PUF60: variants seen among roughly 807,000 people sequenced by gnomAD.
PUF60 encodes the protein poly(U) binding splicing factor 60.
Under a neutral mutation model 61.8 loss-of-function variants are expected in PUF60, and 10 were observed. The ratio of observed to expected loss-of-function variants is 0.16; its 90% CI spans 0.10 to 0.27. PUF60 has a LOEUF of 0.27. Ranked by LOEUF, PUF60 falls within the 10% of genes least tolerant of loss-of-function variation. The probability of loss-of-function intolerance (pLI) is 1.00; values close to 1 mark genes in which losing one functional copy is unlikely to be tolerated. For missense variants in PUF60, 371 were observed against 754.0 expected, an observed-to-expected ratio of 0.49 and a Z score of 5.95; for synonymous variants, 353 against 300.9, an observed-to-expected ratio of 1.17 and a Z score of -1.79.
rs1213958856 is a variant in PUF60 at position 143,818,787 on chromosome 8, C to G, written c.349-253G>C. The G allele has an allele frequency of 1.1e-5, 6 of 540,112 alleles. No individual in the cohort carries two copies. Among genetic ancestry groups the G allele is most frequent in the East Asian group, 3.0e-5 (1 of 33,346 alleles). 33.5% of individuals were successfully genotyped at this position (540,112 alleles called of 1,614,324 possible). On this transcript the variant is annotated intron_variant, in intron 5 of 11. Transcript: ENST00000526683. This position sits in a 1 kb window ranked among gnomAD's most constrained non-coding sequence, Gnocchi z 7.9. ...CGCCAAGGTCCCAGGCAGACTGCGG[C>G]AGCAAAGCCGACAGATGGTCAGGAG...
At position 143,827,241 on chromosome 8, in the gene PUF60, A is replaced by G. The variant is rs1817734346; in HGVS notation, c.24+2039T>C. 7.7e-6 allele frequency: 3 copies of G among 391,106 alleles called. No homozygotes were observed. In the Admixed American group the frequency reaches 8.9e-5, roughly 12 times the overall value. The allele number at this position is 391,106 out of a possible 1,614,324, so 24.2% of individuals were successfully genotyped here. The stretch of plus-strand genomic sequence containing the variant: ...GGCCATGGCAGCCGGGGGCCTCTCT[A>G]TGAGGTGACATTGCAGGCTGGGGCC... On this transcript the variant is annotated intron_variant, in intron 1 of 11. Coordinates refer to ENST00000526683, the MANE Select transcript of PUF60 (RefSeq NM_078480.3).
Position 143,818,090 on chromosome 8 carries a change from G to GTGAGA in PUF60, c.604-20_604-16dup. 6.2e-7 allele frequency: 1 copy of GTGAGA among 1,610,242 alleles called. No homozygotes were observed. Among genetic ancestry groups the GTGAGA allele is most frequent in the Non-Finnish European group, 8.5e-7 (1 of 1,178,532 alleles). ...GGTCTGCCCACCTGGGGAAGAGGCG[G>GTGAGA]TGAGATGGAAAGACCGGTCAACCCA... On this transcript the variant is annotated splice_polypyrimidine_tract_variant and intron_variant, in intron 7 of 11. Coordinates refer to ENST00000526683, the MANE Select transcript of PUF60 (RefSeq NM_078480.3). This position sits in a 1 kb window ranked among gnomAD's most constrained non-coding sequence, Gnocchi z 7.9.
Position 143,817,944 on chromosome 8 carries a change from C to A in PUF60, c.735G>T (p.Val245=), listed in dbSNP as rs751947136. The A allele has an allele frequency of 3.1e-6, 5 of 1,612,856 alleles. No individual in the cohort carries two copies. In the South Asian group the frequency reaches 5.5e-5, roughly 18 times the overall value. ...QDLSDDDIKS[V]FEAFGKIKSC... is the part of the protein sequence containing the mutation. Reference sequence around the variant, plus strand: ...ACTTGATCTTGCCAAAGGCCTCAAACACGCTCTTGATGTCATCGTCTGAGA... The same window carrying A: ...ACTTGATCTTGCCAAAGGCCTCAAAAACGCTCTTGATGTCATCGTCTGAGA... Residue 245 remains valine (V), a synonymous_variant, in exon 8 of 12, where the codon GTG becomes GTT. Coordinates refer to ENST00000526683, the MANE Select transcript of PUF60 (RefSeq NM_078480.3). This position sits in a 1 kb window ranked among gnomAD's most constrained non-coding sequence, Gnocchi z 7.4.
At position 143,816,630 on chromosome 8, in the gene PUF60, C is replaced by G. The variant is rs1222085807; in HGVS notation, c.1570G>C (p.Glu524Gln). Residue 524 changes from glutamate (E) to glutamine (Q), a missense_variant, in exon 12 of 12, where the codon GAG (glutamate) becomes CAG (glutamine). Transcript: ENST00000526683. ...AGGGCCTGGATGGCCTTATGAGTCTCAGAGGCTATGGAAAACTCCACAAAG... is the reference window on the plus strand; with the variant it reads ...AGGGCCTGGATGGCCTTATGAGTCTGAGAGGCTATGGAAAACTCCACAAAG... Reference protein sequence around the residue: ...KIFVEFSIASETHKAIQALNG... With the variant: ...KIFVEFSIASQTHKAIQALNG... The G allele has an allele frequency of 1.9e-6, 3 of 1,613,760 alleles. No homozygotes were observed. Among genetic ancestry groups the G allele is most frequent in the African/African-American group, 1.3e-5 (1 of 74,944 alleles).
At position 143,817,097 on chromosome 8, in the gene PUF60, C is replaced by G; in HGVS notation, c.1193G>C (p.Gly398Ala). The G allele has an allele frequency of 6.2e-7, 1 of 1,610,810 alleles. No homozygotes were observed. The highest frequency in any genetic ancestry group is 1.1e-5 in the South Asian group (1 of 90,670). ...GCTGGCCAGGATGGGGTTCACCACT[C>G]CCACCGAGGGGATGGTGACCGGGAT... ...PPIPVTIPSV[G>A]VVNPILASPP... Residue 398 changes from glycine to alanine, a missense_variant, in exon 11 of 12, where the codon GGA becomes GCA. By Grantham distance (60) the Gly-to-Ala change is moderately conservative. Coordinates refer to ENST00000526683, the MANE Select transcript of PUF60 (RefSeq NM_078480.3). The surrounding 1 kb of genome is among the most constrained non-coding windows in gnomAD (Gnocchi z 7.4).
chr8:143,817,921 T>C lies in PUF60; in HGVS notation c.758A>G (p.Lys253Arg). The stretch of plus-strand genomic sequence containing the variant: ...GGGGTCCCGGGCCAGTGTGCAGGAC[T>C]TGATCTTGCCAAAGGCCTCAAACAC... The part of the protein sequence containing the change: ...KSVFEAFGKI[K>R]SCTLARDPTT... The change falls in exon 8 of 12, where the codon AAG becomes AGG. Residue 253 changes from lysine to arginine, a missense_variant. Physicochemically the swap from Lys to Arg is conservative, Grantham distance 26. Coordinates refer to ENST00000526683, the MANE Select transcript of PUF60 (RefSeq NM_078480.3). The surrounding 1 kb of genome is among the most constrained non-coding windows in gnomAD (Gnocchi z 7.4). The C allele has an allele frequency of 1.2e-6, 2 of 1,612,882 alleles. No individual in the cohort carries two copies. The highest frequency in any genetic ancestry group is 1.7e-6 in the Non-Finnish European group (2 of 1,179,844).
At chr8:143,824,657 G>A in intron 1 of PUF60, 1 of 540,960 alleles carries the variant, frequency 1.8e-6, no homozygotes, top group East Asian at 3.1e-5. Flanking sequence ...GGGGAGGAGG[G>A]TAGAGAGAGC....
In PUF60 at chr8:143,818,336, G is replaced by A. The variant is rs751090458; in HGVS notation, c.510+37C>T. 48 of 1,608,972 alleles carry A rather than the reference G, an allele frequency of 3.0e-5. 1 individual carries two copies. Among genetic ancestry groups the A allele is most frequent in the Middle Eastern group, 1.6e-4 (1 of 6,072 alleles). ...GCTGCGCGAGCCCAGGGGTGGGGGCGAGCCCGAAGTGGCCGGGGCGGACCA... is the reference window on the plus strand; with the variant it reads ...GCTGCGCGAGCCCAGGGGTGGGGGCAAGCCCGAAGTGGCCGGGGCGGACCA... On this transcript the variant is annotated intron_variant, in intron 6 of 11. Coordinates refer to ENST00000526683, the MANE Select transcript of PUF60 (RefSeq NM_078480.3). This position sits in a 1 kb window ranked among gnomAD's most constrained non-coding sequence, Gnocchi z 7.9.
intron 1 of PUF60, chr8:143,827,507 T>TCAG (rs1247389298): frequency 1.1e-5 from 5 of 454,588 alleles, no homozygotes; most frequent in Non-Finnish European, 2.2e-5. Flanking sequence ...TCAGCCAAGT[T>TCAG]CAGCTGCTCC....
intron 1 of PUF60, among the ~76,000 whole-genome samples, chr8:143,828,001 G>A (rs564896757): frequency 2.0e-5 from 3 of 152,348 alleles, no homozygotes; most frequent in African/African-American, 7.2e-5. Context: ...CCTGAAGACA[G>A]TCACCAGGTC....
intron 1 of PUF60, 98 bp downstream of exon 1, chr8:143,829,181 GA>G (rs1490558676): frequency 1.6e-6 from 2 of 1,226,652 alleles, no homozygotes; most frequent in African/African-American, 3.1e-5. Flanking sequence ...GACCTGGGAA[GA>G]CCGCCGCGTT....
At position 143,816,646 on chromosome 8, in the gene PUF60, C is replaced by T. The variant is rs762422632; in HGVS notation, c.1554G>A (p.Glu518=). ...TATGAGTCTCAGAGGCTATGGAAAA[C>T]TCCACAAAGATCTTGACAATGATTT... The part of the protein sequence containing the change: ...DAEIIVKIFV[E]FSIASETHKA... Residue 518 remains glutamate (E), a synonymous_variant, in exon 12 of 12, where the codon GAG becomes GAA. Transcript: ENST00000526683. 8.1e-6 allele frequency: 13 copies of T among 1,613,758 alleles called. No individual in the cohort carries two copies. The highest frequency in any genetic ancestry group is 1.3e-5 in the African/African-American group (1 of 74,936).
chr8:143,817,724 C>A lies in PUF60; in HGVS notation c.876G>T (p.Leu292=). The change falls in exon 9 of 12, where the codon CTG becomes CTT. Residue 292 remains leucine (L), a synonymous_variant. Coordinates refer to ENST00000526683, the MANE Select transcript of PUF60 (RefSeq NM_078480.3). The surrounding 1 kb of genome is among the most constrained non-coding windows in gnomAD (Gnocchi z 7.4). ...DAVSSMNLFD[L]GGQYLRVGKA... ...TGCCCACCCGCAAGTACTGGCCACC[C>A]AGGTCAAAGAGGTTCATGGAAGACA... 1.2e-6 allele frequency: 2 copies of A among 1,612,628 alleles called. No homozygotes were observed. Among genetic ancestry groups the A allele is most frequent in the Non-Finnish European group, 1.7e-6 (2 of 1,179,848 alleles).
At position 143,816,396 on chromosome 8, in the gene PUF60, G is replaced by A. The variant is rs1196707597; in HGVS notation, c.*124C>T. On this transcript the variant is annotated 3_prime_UTR_variant, in exon 12 of 12. Coordinates refer to ENST00000526683, the MANE Select transcript of PUF60 (RefSeq NM_078480.3). ...CGGACGTTCAGGGCCAGCAGCATCC[G>A]CACCTTTATCCGCACTGTAGGCTGG... is the stretch of plus-strand genomic sequence containing the variant. 50 of 1,118,490 alleles carry A rather than the reference G, an allele frequency of 4.5e-5. No homozygotes were observed. Among genetic ancestry groups the A allele is most frequent in the Non-Finnish European group, 5.5e-5 (44 of 804,674 alleles). The allele number at this position is 1,118,490 out of a possible 1,614,324, so 69.3% of individuals were successfully genotyped here. A position where few individuals can be genotyped will look rare whatever the true frequency, so the allele number is the denominator to read the frequency against.
intron 1 of PUF60, chr8:143,827,617 C>G (rs1269375652): frequency 2.8e-6 from 1 of 354,948 alleles, no homozygotes; most frequent in African/African-American, 2.1e-5. Flanking sequence ...CTTCTAGAAG[C>G]CTTTCCATCC....
intron 5 of PUF60, among the ~76,000 whole-genome samples, chr8:143,819,639 A>G (rs915986945): frequency 6.6e-6 from 1 of 152,144 alleles, no homozygotes; most frequent in Non-Finnish European, 1.5e-5. Flanking sequence ...CAAACCAGGC[A>G]TTCCCTGAAA....
chr8:143,818,719 A>G lies in PUF60; in HGVS notation c.349-185T>C, dbSNP rs929422454. ...GGTCGCAGGACCCCGCCACCCAAAG[A>G]AGGAAGGCCAGGCCCAGCGGCAGGA... On this transcript the variant is annotated intron_variant, in intron 5 of 11. Coordinates refer to ENST00000526683, the MANE Select transcript of PUF60 (RefSeq NM_078480.3). The surrounding 1 kb of genome is among the most constrained non-coding windows in gnomAD (Gnocchi z 7.9). The G allele has an allele frequency of 1.1e-5, 7 of 657,476 alleles. No individual in the cohort carries two copies. Among genetic ancestry groups the G allele is most frequent in the African/African-American group, 7.3e-5 (4 of 54,630 alleles). The allele number at this position is 657,476 out of a possible 1,614,324, so 40.7% of individuals were successfully genotyped here.
chr8:143,821,810 A>G lies in PUF60; in HGVS notation c.207+8T>C. ...ACACCTGCAGTGCCCTGGGAGGTCC[A>G]TGCTCACCTTCTGAAGGGCCTCCTG... is the stretch of plus-strand genomic sequence containing the variant. On this transcript the variant is annotated splice_region_variant and intron_variant, in intron 3 of 11. Coordinates refer to ENST00000526683, the MANE Select transcript of PUF60 (RefSeq NM_078480.3). The G allele has an allele frequency of 6.2e-7, 1 of 1,607,650 alleles. No individual in the cohort carries two copies. Among genetic ancestry groups the G allele is most frequent in the Non-Finnish European group, 8.5e-7 (1 of 1,178,194 alleles).
At chr8:143,828,145 G>A (rs1459187101) in intron 1 of PUF60, among the ~76,000 whole-genome samples, 1 of 152,246 alleles carries the variant, frequency 6.6e-6, no homozygotes, top group Non-Finnish European at 1.5e-5. Flanking sequence ...GCCCTCGCAA[G>A]CTGGGTATCT....
Sources: gnomAD v4.1 joint callset for allele counts (sites outside exome capture counted in the v4.1 genomes callset) on GRCh38, gnomAD v4.1.1 for gene constraint, Gnocchi (gnomAD v3.1) non-coding constraint, MANE v1.5 for transcripts, NCBI Gene and HGNC (gene_info 2026-07-23, HGNC 2026-07-21) for gene names.